SLC44A4: variants seen among roughly 807,000 people sequenced by gnomAD.
SLC44A4 encodes the protein choline transporter-like protein 4.
SLC44A4 carries 74 observed loss-of-function variants against 97.0 expected under a neutral mutation model. The observed-to-expected ratio is 0.76, with a 90% confidence interval of 0.63 to 0.93. The LOEUF is 0.93. SLC44A4 is among the 40% of genes least tolerant of loss of function. SLC44A4 has a pLI of 0.00. For missense variants in SLC44A4, 799 were observed against 902.9 expected, an observed-to-expected ratio of 0.88 and a Z score of 1.48; for synonymous variants, 325 against 363.8, an observed-to-expected ratio of 0.89 and a Z score of 1.21.
At chr6:31,871,665 T>C (rs754380004) in intron 7 of SLC44A4, 104 bp from the exon 8 acceptor site, 41 of 843,766 alleles carry the variant, frequency 4.9e-5, no homozygotes, top group Non-Finnish European at 7.3e-5. Context: ...GGAAGGGTGA[T>C]GGGCCTTGCA....
chr6:31,863,532 T>A lies in SLC44A4; in HGVS notation c.*95A>T, dbSNP rs549498699. ...GAGCCACGGCGCCTGGCCTAAAACC[T>A]TTTTTTACCACAAAATGGAGACCTG... On this transcript the variant is annotated 3_prime_UTR_variant, in exon 21 of 21. Coordinates refer to ENST00000229729, the MANE Select transcript of SLC44A4 (RefSeq NM_025257.3). 4 of 1,486,284 alleles carry A rather than the reference T, an allele frequency of 2.7e-6. No homozygotes were observed. The highest frequency in any genetic ancestry group is 2.7e-5 in the South Asian group (2 of 73,244). 92.1% of individuals were successfully genotyped at this position (1,486,284 alleles called of 1,614,324 possible). A position where few individuals can be genotyped will look rare whatever the true frequency, so the allele number is the denominator to read the frequency against.
Position 31,874,357 on chromosome 6 carries a change from C to G in SLC44A4, c.529+103G>C. 7.4e-7 allele frequency: 1 copy of G among 1,351,020 alleles called. No homozygotes were observed. The highest frequency in any genetic ancestry group is 1.4e-5 in the African/African-American group (1 of 69,820). 83.7% of individuals were successfully genotyped at this position (1,351,020 alleles called of 1,614,324 possible). A position where few individuals can be genotyped will look rare whatever the true frequency, so the allele number is the denominator to read the frequency against. Reference sequence around the variant, plus strand: ...CTGATGCTAATTCCAATTTTGCCACCAACAAGCTATGTGACTTCACTCTCT... The same window carrying G: ...CTGATGCTAATTCCAATTTTGCCACGAACAAGCTATGTGACTTCACTCTCT... On this transcript the variant is annotated intron_variant, in intron 7 of 20. Coordinates refer to ENST00000229729, the MANE Select transcript of SLC44A4 (RefSeq NM_025257.3). This position sits in a 1 kb window ranked among gnomAD's most constrained non-coding sequence, Gnocchi z 4.8.
intron 4 of SLC44A4, 21 bp from the exon 5 acceptor site, chr6:31,875,049 T>C (rs374479562): frequency 4.4e-6 from 7 of 1,587,762 alleles, no homozygotes; most frequent in Non-Finnish European, 6.0e-6. Flanking sequence ...GGAGGGACCA[T>C]GTGCATCAGG....
intron 19 of SLC44A4, 40 bp from the exon 20 acceptor site, chr6:31,864,776 G>C: frequency 7.4e-6 from 12 of 1,613,868 alleles, no homozygotes; most frequent in Non-Finnish European, 1.0e-5. Context: ...GGTTCCTCTG[G>C]GGAGTTGGGG....
Position 31,871,538 on chromosome 6 carries a change from T to C in SLC44A4, c.553A>G (p.Thr185Ala), listed in dbSNP as rs757668013. ...GGGAGCGCCGGTGGAGTAACGTTGG[T>C]CCATGGAAAGCAGCGCCCCAGAGCT... is the stretch of plus-strand genomic sequence containing the variant. The part of the protein sequence containing the change: ...APALGRCFPW[T>A]NVTPPALPGI... The change falls in exon 8 of 21, where the codon ACC becomes GCC. Residue 185 changes from threonine to alanine, a missense_variant. Coordinates refer to ENST00000229729, the MANE Select transcript of SLC44A4 (RefSeq NM_025257.3). 1.2e-6 allele frequency: 2 copies of C among 1,613,606 alleles called. No homozygotes were observed. The highest frequency in any genetic ancestry group is 3.3e-5 in the Admixed American group (2 of 59,974).
intron 11 of SLC44A4, 88 bp downstream of exon 11, chr6:31,870,515 T>C: frequency 9.4e-7 from 1 of 1,062,372 alleles, no homozygotes; most frequent in Non-Finnish European, 1.4e-6. Flanking sequence ...TGAGGCTCCC[T>C]GCCACCTCTC....
At position 31,864,710 on chromosome 6, in the gene SLC44A4, G is replaced by A. The variant is rs1415400194; in HGVS notation, c.1953C>T (p.Ile651=). 1.7e-5 allele frequency: 28 copies of A among 1,613,968 alleles called. No homozygotes were observed. The highest frequency in any genetic ancestry group is 2.2e-5 in the East Asian group (1 of 44,894). Residue 651 remains isoleucine, a synonymous_variant, in exon 20 of 21, where the codon ATC becomes ATT. Transcript: ENST00000229729. The part of the protein sequence containing the change: ...IMTSILGAYV[I]ASGFFSVFGM... ...CGAAAACGCTGAAGAAGCCGCTGGC[G>A]ATGACATAGGCCCCCAGGATGGAGG... is the stretch of plus-strand genomic sequence containing the variant.
At chr6:31,871,639 A>C in intron 7 of SLC44A4, 78 bp from the exon 8 acceptor site, 1 of 1,113,890 alleles carries the variant, frequency 9.0e-7, no homozygotes, top group Non-Finnish European at 1.4e-6. Flanking sequence ...CCCAGTCCAC[A>C]GTGCCCTTAG....
chr6:31,864,752 C>A lies in SLC44A4; in HGVS notation c.1927-16G>T. ...GGATGGAGGTCTGGAAGACATGACC[C>A]GTTGGGGTTATTGGGTTCCTCTGGG... On this transcript the variant is annotated splice_polypyrimidine_tract_variant and intron_variant, in intron 19 of 20. Transcript: ENST00000229729. 1.2e-6 allele frequency: 2 copies of A among 1,613,996 alleles called. No individual in the cohort carries two copies. Among genetic ancestry groups the A allele is most frequent in the Non-Finnish European group, 1.7e-6 (2 of 1,179,972 alleles).
rs758690044 is a variant in SLC44A4, at chr6:31,870,637, G to A, written c.1003C>T (p.Arg335Cys). Residue 335 changes from arginine (R) to cysteine (C), a missense_variant, in exon 11 of 21, where the codon CGT (arginine) becomes TGT (cysteine). Physicochemically the swap from Arg to Cys is radical, Grantham distance 180 (BLOSUM62 -3). Transcript: ENST00000229729. Reference protein sequence around the residue: ...LMLIFLRQRIRIAIALLKEAS... With the variant: ...LMLIFLRQRICIAIALLKEAS... ...TCCTTCAGGAGGGCGATGGCAATAC[G>A]AATCCGCTGCCGCAGGAAGATGAGC... is the stretch of plus-strand genomic sequence containing the variant. 2 of 1,608,024 alleles carry A rather than the reference G, an allele frequency of 1.2e-6. No individual in the cohort carries two copies. The highest frequency in any genetic ancestry group is 8.5e-7 in the Non-Finnish European group (1 of 1,177,820).
At position 31,865,332 on chromosome 6, in the gene SLC44A4, G is replaced by A; in HGVS notation, c.1743C>T (p.Leu581=). The change falls in exon 17 of 21, where the codon CTC becomes CTT. Residue 581 remains leucine, a synonymous_variant. Coordinates refer to ENST00000229729, the MANE Select transcript of SLC44A4 (RefSeq NM_025257.3). This position sits in a 1 kb window ranked among gnomAD's most constrained non-coding sequence, Gnocchi z 5.2. ...AGCCTAACCTGACAATGTTTCGCAT[G>A]AGTAGCATGAACGCATTTTTGGCTG... ...CVSAKNAFML[L]MRNIVRVVVL... 6.2e-7 allele frequency: 1 copy of A among 1,614,066 alleles called. No individual in the cohort carries two copies. Among genetic ancestry groups the A allele is most frequent in the Non-Finnish European group, 8.5e-7 (1 of 1,180,022 alleles).
chr6:31,864,328 G>C (rs967241409), intron 20 of SLC44A4: 1 of 441,704 alleles, frequency 2.3e-6, no homozygotes, highest in Non-Finnish European at 4.1e-6. Context: ...TGCCCACCTC[G>C]GTCCCCCAAA....
rs1209682059 is a variant in SLC44A4, at chr6:31,869,562, G to A, written c.1113C>T (p.Tyr371=). The change falls in exon 12 of 21, where the codon TAC becomes TAT. Residue 371 remains tyrosine, a synonymous_variant. Coordinates refer to ENST00000229729, the MANE Select transcript of SLC44A4 (RefSeq NM_025257.3). ...GAGGATACAGAGCAGTCATGGCCCA[G>A]TAGGCAATGCAGATGAGGAGGAGGA... The part of the protein sequence containing the change: ...TFVLLLICIA[Y]WAMTALYLAT... 6.2e-7 allele frequency: 1 copy of A among 1,604,634 alleles called. No individual in the cohort carries two copies. The highest frequency in any genetic ancestry group is 2.2e-5 in the East Asian group (1 of 44,686).
chr6:31,873,083 G>T (rs1057509192), intron 7 of SLC44A4, among the ~76,000 whole-genome samples: 5 of 152,036 alleles, frequency 3.3e-5, no homozygotes, highest in African/African-American at 1.2e-4. Context: ...CACCATGTTG[G>T]CCAGACTAGT....
rs777219792 is a variant in SLC44A4, at chr6:31,865,020, G to A, written c.1821C>T (p.Val607=). 3.1e-6 allele frequency: 5 copies of A among 1,613,726 alleles called. No individual in the cohort carries two copies. The South Asian group carries it at 3.3e-5, about 11-fold the overall frequency. ...LLLFFGKLLV[V]GGVGVLSFFF... is the part of the protein sequence containing the mutation. ...CTTCTGGTCCCTTACCCACGCCTCCGACCACCAGCAGCTTCCCAAAGAACA... is the reference window on the plus strand; with the variant it reads ...CTTCTGGTCCCTTACCCACGCCTCCAACCACCAGCAGCTTCCCAAAGAACA... The change falls in exon 18 of 21, where the codon GTC becomes GTT. Residue 607 remains valine, a synonymous_variant. Transcript: ENST00000229729. This position sits in a 1 kb window ranked among gnomAD's most constrained non-coding sequence, Gnocchi z 5.2.
In SLC44A4 at chr6:31,878,616, G is replaced by C. The variant is rs1225228989; in HGVS notation, c.40+325C>G. Among the ~76,000 whole-genome samples, 1 of 151,868 alleles carries C rather than the reference G, an allele frequency of 6.6e-6. No homozygotes were observed. The highest frequency in any genetic ancestry group is 2.4e-5 in the African/African-American group (1 of 41,308). The stretch of plus-strand genomic sequence containing the variant: ...GCCCCAACCTGCCACCTTCCATCTC[G>C]GCTTTGTTTCCTAGGGCCCTGCCCT... On this transcript the variant is annotated intron_variant, in intron 1 of 20. Transcript: ENST00000229729. The surrounding 1 kb of genome is among the most constrained non-coding windows in gnomAD (Gnocchi z 4.0).
chr6:31,869,725 C>G (rs1371702006), intron 11 of SLC44A4, 88 bp from the exon 12 acceptor site: 1 of 975,278 alleles, frequency 1.0e-6, no homozygotes, highest in African/African-American at 1.6e-5. Context: ...GTGGCTCACG[C>G]CTGTAATCCC....
rs778675612 is a variant in SLC44A4, at chr6:31,865,587, C to T, written c.1597G>A (p.Val533Ile). ...DHKLRGVQNP[V>I]ARCIMCCFKC... Reference sequence around the variant, plus strand: ...AAACAGCACATGATGCAGCGGGCTACAGGGTTCTGCACTCCTGGGAGCGAG... The same window carrying T: ...AAACAGCACATGATGCAGCGGGCTATAGGGTTCTGCACTCCTGGGAGCGAG... The change falls in exon 16 of 21, where the codon GTA becomes ATA. Residue 533 changes from valine to isoleucine, a missense_variant. Transcript: ENST00000229729. The surrounding 1 kb of genome is among the most constrained non-coding windows in gnomAD (Gnocchi z 5.2). 1.9e-6 allele frequency: 3 copies of T among 1,602,804 alleles called. No homozygotes were observed. The highest frequency in any genetic ancestry group is 1.7e-6 in the Non-Finnish European group (2 of 1,172,030).
Position 31,875,897 on chromosome 6 carries a change from T to A in SLC44A4, c.197A>T (p.Tyr66Phe), listed in dbSNP as rs759472106. ...WLYGDPRQVL[Y>F]PRNSTGAYCG... The stretch of plus-strand genomic sequence containing the variant: ...GTAGGCCCCAGTAGAGTTCCTGGGG[T>A]AGAGGACTTGCCGGGGGTCTCCATA... The change falls in exon 4 of 21, where the codon TAC (tyrosine) becomes TTC (phenylalanine). Residue 66 changes from tyrosine to phenylalanine, a missense_variant. Tyr to Phe is a conservative substitution (Grantham distance 22). Around this residue, in one of 3 missense-constraint regions of SLC44A4, gnomAD observed 409 missense variants for 434.1 expected, o/e 0.94. Coordinates refer to ENST00000229729, the MANE Select transcript of SLC44A4 (RefSeq NM_025257.3). 3 of 1,613,374 alleles carry A rather than the reference T, an allele frequency of 1.9e-6. 1 individual carries two copies. In the South Asian group the frequency reaches 3.3e-5, roughly 18 times the overall value.
Sources: allele counts gnomAD v4.1 joint callset (sites outside exome capture counted in the v4.1 genomes callset), GRCh38; gene constraint gnomAD v4.1.1; regional missense constraint gnomAD v4.1.1; non-coding constraint Gnocchi (gnomAD v3.1); transcripts MANE v1.5; gene names NCBI Gene and HGNC (gene_info 2026-07-23, HGNC 2026-07-21).